The following RYR3 variants were observed in gnomAD, a reference collection of about 807,000 sequenced individuals.
The protein encoded by RYR3 is ryanodine receptor 3.
RYR3 carries 207 observed loss-of-function variants against 584.3 expected under a neutral mutation model. The ratio of observed to expected loss-of-function variants is 0.35; its 90% CI spans 0.32 to 0.40. The LOEUF (loss-of-function observed/expected upper bound fraction) is 0.40, where lower values mean the gene tolerates loss of function less well. Among genes scored for constraint, RYR3 ranks in the 10% least tolerant of loss-of-function variants. The pLI, the probability that RYR3 is intolerant of heterozygous loss-of-function variation, is 1.00. For synonymous variants in RYR3, 2,416 were observed against 2,248.5 expected, an observed-to-expected ratio of 1.07 and a Z score of -2.11; for missense variants, 5,616 against 6,089.2, an observed-to-expected ratio of 0.92 and a Z score of 2.59.
At chr15:33,340,692 A>T (rs926752107) in intron 1 of RYR3, among the ~76,000 whole-genome samples, 3 of 152,150 alleles carry the variant, frequency 2.0e-5, no homozygotes. Flanking sequence ...CTATTGGATT[A>T]GGGCTCCACC....
At chr15:33,514,893 A>G (rs1281173105) in intron 3 of RYR3, among the ~76,000 whole-genome samples, 1 of 152,014 alleles carries the variant, frequency 6.6e-6, no homozygotes, top group Non-Finnish European at 1.5e-5. Context: ...AGTCCCAGCT[A>G]CTTGGGAGGC....
At chr15:33,362,215 G>C (rs75588014) in intron 1 of RYR3, among the ~76,000 whole-genome samples, 1,650 of 152,210 alleles carry the variant, frequency 0.011, 27 homozygotes, top group African/African-American at 0.038. Context: ...GTGTTATTGC[G>C]TTATTTGCTT....
In RYR3 at chr15:33,785,838, G is replaced by T. The variant is rs759037751; in HGVS notation, c.9445G>T (p.Gly3149Cys). Residue 3149 changes from glycine (G) to cysteine (C), a missense_variant, in exon 66 of 104, where the codon GGT becomes TGT. This residue lies in a region of RYR3 where 954 missense variants were observed against 1,132.2 expected (regional missense o/e 0.84). Transcript: ENST00000634891. ...CTACTTGTCCTACTGGTGGGAGCGG[G>T]GTCCTGAGAACCTGCCCCCCAGCAC... Reference protein sequence around the residue: ...CNYLSYWWERGPENLPPSTGP... With the variant: ...CNYLSYWWERCPENLPPSTGP... 2 of 1,613,716 alleles carry T rather than the reference G, an allele frequency of 1.2e-6. No individual in the cohort carries two copies. Among genetic ancestry groups the T allele is most frequent in the Admixed American group, 1.7e-5 (1 of 59,992 alleles).
At chr15:33,619,479 G>A (rs2060609071) in intron 19 of RYR3, among the ~76,000 whole-genome samples, 1 of 152,120 alleles carries the variant, frequency 6.6e-6, no homozygotes, top group Non-Finnish European at 1.5e-5. Context: ...TAAACATGAA[G>A]TGCCAGGTAA....
intron 1 of RYR3, among the ~76,000 whole-genome samples, chr15:33,375,542 A>G (rs1478592160): frequency 1.3e-5 from 2 of 152,238 alleles, no homozygotes; most frequent in Non-Finnish European, 2.9e-5. Flanking sequence ...AGACTCAAAC[A>G]TGAGAGTTGT....
chr15:33,568,496 G>A (rs1461887808), intron 12 of RYR3, among the ~76,000 whole-genome samples: 1 of 151,462 alleles, frequency 6.6e-6, no homozygotes, highest in Non-Finnish European at 1.5e-5. Context: ...GTTTGAGATA[G>A]GGTCTCACTG....
chr15:33,417,110 A>C lies in RYR3; in HGVS notation c.52-56309A>C, dbSNP rs2043870174. Among the ~76,000 whole-genome samples the C allele has an allele frequency of 2.6e-5, 4 of 152,106 alleles. No homozygotes were observed. The South Asian group carries it at 8.3e-4, about 32-fold the overall frequency. On this transcript the variant is annotated intron_variant, in intron 1 of 103. Transcript: ENST00000634891. ...TACTGTAGCCTTGTAGTATAGTTTG[A>C]AGTCAGATAATGTGATGTCTCCAGC...
chr15:33,789,864 TG>T (rs2075037565), intron 67 of RYR3, among the ~76,000 whole-genome samples: 2 of 144,248 alleles, frequency 1.4e-5, no homozygotes, highest in South Asian at 4.4e-4. Flanking sequence ...TTAGTAGAGA[TG>T]GGGTTTTACC....
intron 91 of RYR3, among the ~76,000 whole-genome samples, chr15:33,842,789 A>C (rs565668871): frequency 6.6e-6 from 1 of 152,296 alleles, no homozygotes; most frequent in South Asian, 2.1e-4. Flanking sequence ...GCGAGCCTAG[A>C]CCACTTACAG....
chr15:33,487,897 C>T (rs574564049), intron 2 of RYR3, among the ~76,000 whole-genome samples: 1 of 152,346 alleles, frequency 6.6e-6, no homozygotes, highest in African/African-American at 2.4e-5. Flanking sequence ...CCTGTTTCTA[C>T]ATCCACATTG....
intron 1 of RYR3, among the ~76,000 whole-genome samples, chr15:33,424,338 C>A (rs2044450321): frequency 6.6e-6 from 1 of 152,210 alleles, no homozygotes. Context: ...GGCACATAGA[C>A]AAATGGGGTT....
At chr15:33,599,083 C>T (rs769506652) in intron 16 of RYR3, among the ~76,000 whole-genome samples, 9 of 151,728 alleles carry the variant, frequency 5.9e-5, no homozygotes, top group Non-Finnish European at 1.0e-4. Context: ...TACAGCAAAA[C>T]AGACTTTAGA....
At chr15:33,820,879 G>A (rs940291749) in intron 78 of RYR3, 67 bp downstream of exon 78, 4 of 1,263,918 alleles carry the variant, frequency 3.2e-6, no homozygotes, top group African/African-American at 1.5e-5. Flanking sequence ...CTTCAGAGGT[G>A]GGTGCTGACA....
intron 1 of RYR3, among the ~76,000 whole-genome samples, chr15:33,465,017 A>G (rs967830665): frequency 6.6e-6 from 1 of 152,204 alleles, no homozygotes; most frequent in African/African-American, 2.4e-5. Flanking sequence ...GATTTCAGCT[A>G]GCATAATGCC....
chr15:33,696,482 A>T lies in RYR3; in HGVS notation c.6125A>T (p.Asn2042Ile), dbSNP rs116926961. The T allele has an allele frequency of 4.3e-6, 7 of 1,613,942 alleles. No homozygotes were observed. The highest frequency in any genetic ancestry group is 5.1e-6 in the Non-Finnish European group (6 of 1,179,858). The part of the protein sequence containing the change: ...MGKEEELLMI[N>I]GLGDIMNNKV... ...AAGGAAGAGGAGTTGCTCATGATCA[A>T]TGGGCTGGGGTAGGTGATTCACGGT... Residue 2042 changes from asparagine to isoleucine, a missense_variant, in exon 39 of 104, where the codon AAT becomes ATT. This residue lies in a region of RYR3 where 1,280 missense variants were observed against 1,426.2 expected (regional missense o/e 0.90). Transcript: ENST00000634891.
chr15:33,561,852 T>C (rs577285803), intron 10 of RYR3, among the ~76,000 whole-genome samples: 1 of 151,676 alleles, frequency 6.6e-6, no homozygotes, highest in South Asian at 2.1e-4. Context: ...TGAGCCAAGA[T>C]TGTACCACTG....
chr15:33,695,527 T>A (rs1227595529), intron 38 of RYR3, among the ~76,000 whole-genome samples: 1 of 152,188 alleles, frequency 6.6e-6, no homozygotes, highest in Non-Finnish European at 1.5e-5. Flanking sequence ...AGATGCAGTG[T>A]CAGCTGACTC....
At chr15:33,485,512 A>G (rs2050340726) in intron 2 of RYR3, among the ~76,000 whole-genome samples, 1 of 152,208 alleles carries the variant, frequency 6.6e-6, no homozygotes, top group African/African-American at 2.4e-5. Flanking sequence ...GGTGTTAAGA[A>G]CAGAGACAAG....
chr15:33,505,346 A>G (rs991352540), intron 3 of RYR3, among the ~76,000 whole-genome samples: 11 of 152,218 alleles, frequency 7.2e-5, no homozygotes, highest in Non-Finnish European at 1.5e-4. Flanking sequence ...ACAACTGAGA[A>G]TAGTTTGCTT....
Sources: gnomAD v4.1 joint callset for allele counts (sites outside exome capture counted in the v4.1 genomes callset) on GRCh38, gnomAD v4.1.1 for gene constraint, gnomAD v4.1.1 regional missense constraint, MANE v1.5 for transcripts, NCBI Gene and HGNC (gene_info 2026-07-23, HGNC 2026-07-21) for gene names.